The following CALD1 variants were observed in gnomAD, a reference collection of about 807,000 sequenced individuals.
The protein encoded by CALD1 is caldesmon.
CALD1 carries 33 observed loss-of-function variants against 99.9 expected under a neutral mutation model. The ratio of observed to expected loss-of-function variants is 0.33; its 90% CI spans 0.25 to 0.44. The LOEUF (loss-of-function observed/expected upper bound fraction) is 0.44. CALD1 is among the 20% of genes least tolerant of loss of function. CALD1 has a pLI of 1.00. For synonymous variants in CALD1, 310 were observed against 325.0 expected (o/e 0.95, Z 0.50); for missense variants, 861 against 962.1 (o/e 0.89, Z 1.39).
At position 134,927,208 on chromosome 7, in the gene CALD1, C is replaced by T. The variant is rs981075253; in HGVS notation, c.72-1546C>T. 2.4e-4 allele frequency among the ~76,000 whole-genome samples: 36 copies of T among 152,118 alleles called. 1 individual carries two copies. Among genetic ancestry groups the T allele is most frequent in the Non-Finnish European group, 1.3e-4 (9 of 68,020 alleles). On this transcript the variant is annotated intron_variant, in intron 3 of 14. Transcript: ENST00000361675. ...ATTTCCTCTTGAGTTTGAGCATCTG[C>T]AGTTGCCCAGCCCCAATTCTTTATT... is the stretch of plus-strand genomic sequence containing the variant.
chr7:134,854,402 A>G (rs1800211078), intron 2 of CALD1, among the ~76,000 whole-genome samples: 2 of 152,302 alleles, frequency 1.3e-5, no homozygotes, highest in South Asian at 2.1e-4. Context: ...AATGATCTGC[A>G]TTGAATATTT....
chr7:134,905,763 G>A (rs181936667), intron 3 of CALD1, among the ~76,000 whole-genome samples: 68 of 151,950 alleles, frequency 4.5e-4, no homozygotes, highest in East Asian at 1.6e-3. Context: ...TGCTTTACAG[G>A]CCCTAAAAAG....
At chr7:134,965,695 G>C (rs539960994) in intron 14 of CALD1, among the ~76,000 whole-genome samples, 1 of 152,242 alleles carries the variant, frequency 6.6e-6, no homozygotes, top group East Asian at 1.9e-4. Flanking sequence ...TCCTTACAAG[G>C]TCCCAGCTTA....
intron 3 of CALD1, among the ~76,000 whole-genome samples, chr7:134,920,947 T>G (rs151098934): frequency 1.3e-5 from 2 of 152,374 alleles, no homozygotes; most frequent in East Asian, 3.9e-4. Flanking sequence ...TTTTGTTTTC[T>G]CTGAGGCTTT....
At chr7:134,746,624 G>T (rs1278411682) in intron 1 of CALD1, among the ~76,000 whole-genome samples, 2 of 151,954 alleles carry the variant, frequency 1.3e-5, no homozygotes, top group Non-Finnish European at 2.9e-5. Flanking sequence ...CTGCTGGAGG[G>T]CCCAGAAAGA....
chr7:134,902,860 A>G (rs536396966), intron 3 of CALD1, among the ~76,000 whole-genome samples: 1 of 152,302 alleles, frequency 6.6e-6, no homozygotes, highest in East Asian at 1.9e-4. Context: ...TTAACAAAGT[A>G]TCATGTACTC....
At chr7:134,822,833 G>A (rs563139086) in intron 1 of CALD1, among the ~76,000 whole-genome samples, 147 of 152,170 alleles carry the variant, frequency 9.7e-4, no homozygotes, top group African/African-American at 3.5e-3. Context: ...TCTATTTGGC[G>A]ATATAGTTAG....
the CALD1 span, among the ~76,000 whole-genome samples, chr7:134,733,636 G>A: frequency 3.3e-5 from 5 of 151,550 alleles, no homozygotes; most frequent in South Asian, 2.1e-4. Context: ...GTGAAACCCC[G>A]TCTCTACTAA....
At chr7:134,856,078 G>A (rs1165168579) in intron 2 of CALD1, among the ~76,000 whole-genome samples, 1 of 152,206 alleles carries the variant, frequency 6.6e-6, no homozygotes. Context: ...CAGCTTTCTT[G>A]TTCTACGAAG....
chr7:134,920,841 C>G, intron 3 of CALD1: 1 of 445,976 alleles, frequency 2.2e-6, no homozygotes, highest in Admixed American at 3.2e-5. Context: ...TAGGAATGTG[C>G]AGAAACAATT....
chr7:134,748,731 C>CA (rs1225143069), intron 1 of CALD1, among the ~76,000 whole-genome samples: 11 of 100,074 alleles, frequency 1.1e-4, no homozygotes, highest in Admixed American at 8.6e-4. Flanking sequence ...CAAAAAAAAC[C>CA]AAAAAAACAA....
At chr7:134,891,563 C>G in intron 3 of CALD1, 7 of 1,567,448 alleles carry the variant, frequency 4.5e-6, no homozygotes, top group Non-Finnish European at 6.1e-6. Context: ...GCCCTGACCG[C>G]CCGGCCTGGC....
Position 134,867,794 on chromosome 7 carries a change from G to A in CALD1, c.61G>A (p.Glu21Lys). Residue 21 changes from glutamate (E) to lysine (K), a missense_variant, in exon 3 of 15, where the codon GAA becomes AAA. Around this residue, in one of 5 missense-constraint regions of CALD1, gnomAD observed 123 missense variants for 169.8 expected, o/e 0.72. Transcript: ENST00000361675. ...RRQKREEMRL[E>K]AERIAYQRND... ...GCAAAAGAGGGAGGAGATGCGACTC[G>A]AAGCAGAAAGGTAAGGATCTAGGGT... 2 of 1,600,626 alleles carry A rather than the reference G, an allele frequency of 1.2e-6. No homozygotes were observed. Among genetic ancestry groups the A allele is most frequent in the Non-Finnish European group, 1.7e-6 (2 of 1,169,502 alleles).
intron 2 of CALD1, among the ~76,000 whole-genome samples, chr7:134,848,891 C>T (rs62479511): frequency 0.028 from 4,210 of 152,278 alleles, 103 homozygotes; most frequent in South Asian, 0.14. Context: ...TTAGCACCTT[C>T]CTTAAATATG....
chr7:134,823,211 G>A (rs535543152), intron 1 of CALD1, among the ~76,000 whole-genome samples: 4 of 152,238 alleles, frequency 2.6e-5, no homozygotes, highest in East Asian at 1.9e-4. Flanking sequence ...GCTAAGGCCC[G>A]AAGCACTGAA....
upstream of CALD1, among the ~76,000 whole-genome samples, chr7:134,740,903 C>T (rs1319671793): frequency 6.6e-6 from 1 of 152,226 alleles, no homozygotes; most frequent in Non-Finnish European, 1.5e-5. Flanking sequence ...GTGCAAGGCA[C>T]TTCTCTAAAT....
Position 134,830,399 on chromosome 7 carries a change from TA to T in CALD1, c.-129-13484del, listed in dbSNP as rs1799173405. On this transcript the variant is annotated intron_variant, in intron 1 of 14. Transcript: ENST00000361675. ...CAGTCAATCTTAAAAATTAGATCTT[TA>T]TTTTTTTTTTAATTTTTAAGCTCAG... 2.0e-5 allele frequency among the ~76,000 whole-genome samples: 3 copies of T among 151,782 alleles called. No homozygotes were observed. In the South Asian group the frequency reaches 6.3e-4, roughly 32 times the overall value.
chr7:134,721,599 TG>T, the CALD1 span, among the ~76,000 whole-genome samples: 1 of 147,096 alleles, frequency 6.8e-6, no homozygotes, highest in Non-Finnish European at 1.5e-5. Context: ...TTAGGGGAGG[TG>T]GGGGGGTGAA....
chr7:134,763,957 A>G (rs111892427), intron 1 of CALD1, among the ~76,000 whole-genome samples: 2 of 151,356 alleles, frequency 1.3e-5, no homozygotes, highest in African/African-American at 4.8e-5. Flanking sequence ...ACTTTAACTT[A>G]GCTAATTGGC....
Sources: allele counts gnomAD v4.1 joint callset (sites outside exome capture counted in the v4.1 genomes callset), GRCh38; gene constraint gnomAD v4.1.1; regional missense constraint gnomAD v4.1.1; transcripts MANE v1.5; gene names NCBI Gene and HGNC (gene_info 2026-07-23, HGNC 2026-07-21).